LINGO2: variants seen among roughly 807,000 people sequenced by gnomAD.
The protein encoded by LINGO2 is leucine-rich repeat and immunoglobulin-like domain-containing nogo receptor-interacting protein 2.
Under a neutral mutation model 30.6 loss-of-function variants are expected in LINGO2, and 14 were observed. The ratio of observed to expected loss-of-function variants is 0.46; its 90% CI spans 0.30 to 0.72. The LOEUF (loss-of-function observed/expected upper bound fraction) is 0.72. Among genes scored for constraint, LINGO2 ranks in the 30% least tolerant of loss-of-function variants. The probability of loss-of-function intolerance (pLI) is 0.07; values close to 1 mark genes in which losing one functional copy is unlikely to be tolerated. For missense variants in LINGO2, 729 were observed against 751.7 expected (o/e 0.97, Z 0.35); for synonymous variants, 317 against 288.5 (o/e 1.10, Z -1.00).
the LINGO2 span, among the ~76,000 whole-genome samples, chr9:28,966,665 C>T: frequency 2.0e-5 from 3 of 152,022 alleles, no homozygotes; most frequent in Admixed American, 6.6e-5. Flanking sequence ...ATCTAACTAT[C>T]CTGACATGGA....
At chr9:29,189,473 C>T in the LINGO2 span, among the ~76,000 whole-genome samples, 8 of 149,926 alleles carry the variant, frequency 5.3e-5, no homozygotes, top group African/African-American at 1.7e-4. Flanking sequence ...CGGGCAGAGG[C>T]GCTCCTCACA....
the LINGO2 span, among the ~76,000 whole-genome samples, chr9:28,874,168 T>C: frequency 0.14 from 20,729 of 151,932 alleles, 2,020 homozygotes; most frequent in African/African-American, 0.27. Flanking sequence ...TAGCTTTTTA[T>C]TTCTTTCTGA....
the LINGO2 span, among the ~76,000 whole-genome samples, chr9:29,026,404 C>T: frequency 6.6e-6 from 1 of 151,970 alleles, no homozygotes; most frequent in Admixed American, 6.6e-5. Flanking sequence ...ATAAATGATC[C>T]TTTGGTAAAT....
chr9:28,207,639 T>C (rs12682967), intron 4 of LINGO2, among the ~76,000 whole-genome samples: 20,366 of 151,972 alleles, frequency 0.13, 1,478 homozygotes, highest in East Asian at 0.22. Context: ...CTCACCCTGA[T>C]ACATAACAAG....
chr9:28,821,788 T>C, the LINGO2 span, among the ~76,000 whole-genome samples: 1 of 152,178 alleles, frequency 6.6e-6, no homozygotes, highest in Admixed American at 6.5e-5. Flanking sequence ...TCAGTGCTTC[T>C]TCTGGTTCCA....
At chr9:28,676,939 C>T in the LINGO2 span, among the ~76,000 whole-genome samples, 1 of 152,102 alleles carries the variant, frequency 6.6e-6, no homozygotes, top group East Asian at 1.9e-4. Flanking sequence ...TTTATAAACT[C>T]TATCTCTTTA....
At chr9:28,642,857 AGATTTTGTTTCTTGACGT>A (rs1345330367) in intron 1 of LINGO2, among the ~76,000 whole-genome samples, 2 of 152,158 alleles carry the variant, frequency 1.3e-5, no homozygotes, top group Admixed American at 1.3e-4. Flanking sequence ...AATTCAAGGC[AGATTTTGTTTCTTGACGT>A]GTTTTCCCTA....
At chr9:28,595,792 T>C (rs1332550810) in intron 1 of LINGO2, among the ~76,000 whole-genome samples, 3 of 152,138 alleles carry the variant, frequency 2.0e-5, no homozygotes, top group Non-Finnish European at 4.4e-5. Flanking sequence ...CCTAGAGTTG[T>C]ATTGTCACAT....
intron 1 of LINGO2, among the ~76,000 whole-genome samples, chr9:28,592,877 T>C (rs1445464679): frequency 2.0e-5 from 3 of 152,036 alleles, no homozygotes; most frequent in Non-Finnish European, 4.4e-5. Flanking sequence ...TCTGTAGCCC[T>C]CTTTCATTGT....
chr9:29,020,341 A>AT, the LINGO2 span, among the ~76,000 whole-genome samples: 1 of 152,168 alleles, frequency 6.6e-6, no homozygotes, highest in African/African-American at 2.4e-5. Context: ...TAGGGCAGTT[A>AT]TTTTTTTTAT....
chr9:29,096,670 C>T, the LINGO2 span, among the ~76,000 whole-genome samples: 1 of 140,186 alleles, frequency 7.1e-6, no homozygotes, highest in African/African-American at 2.7e-5. Context: ...TAGATCCTGC[C>T]AGAAAAAGGC....
the LINGO2 span, among the ~76,000 whole-genome samples, chr9:29,142,199 C>A: frequency 1.3e-5 from 2 of 150,066 alleles, no homozygotes; most frequent in South Asian, 2.1e-4. Flanking sequence ...GAAATCATAC[C>A]AAGTTTCTTT....
At chr9:28,705,695 G>C in the LINGO2 span, among the ~76,000 whole-genome samples, 1 of 152,024 alleles carries the variant, frequency 6.6e-6, no homozygotes, top group African/African-American at 2.4e-5. Context: ...AAAGTGTGAG[G>C]GCCCCAGTAT....
At chr9:28,041,174 G>C (rs774860222) in intron 4 of LINGO2, among the ~76,000 whole-genome samples, 6 of 152,178 alleles carry the variant, frequency 3.9e-5, no homozygotes, top group Admixed American at 1.3e-4. Flanking sequence ...TCTGAATCTA[G>C]CATCTATTCT....
At chr9:28,028,709 G>A (rs1324058163) in intron 4 of LINGO2, among the ~76,000 whole-genome samples, 4 of 151,906 alleles carry the variant, frequency 2.6e-5, no homozygotes, top group Admixed American at 1.3e-4. Flanking sequence ...CAATATAAAT[G>A]CCATGCAAAT....
At chr9:28,651,314 G>A (rs1828093735) in intron 1 of LINGO2, among the ~76,000 whole-genome samples, 1 of 152,132 alleles carries the variant, frequency 6.6e-6, no homozygotes, top group African/African-American at 2.4e-5. Context: ...TACTGTTATA[G>A]CACTTTTTGA....
At chr9:28,245,684 C>T (rs1821971558) in intron 4 of LINGO2, among the ~76,000 whole-genome samples, 2 of 152,142 alleles carry the variant, frequency 1.3e-5, no homozygotes, top group African/African-American at 2.4e-5. Flanking sequence ...CAATGAACTC[C>T]CATTCACAAT....
At chr9:28,590,888 G>A (rs1418558931) in intron 1 of LINGO2, among the ~76,000 whole-genome samples, 1 of 152,094 alleles carries the variant, frequency 6.6e-6, no homozygotes, top group African/African-American at 2.4e-5. Flanking sequence ...ATTCACAATA[G>A]CAAAGACTTG....
chr9:29,017,282 T>G, the LINGO2 span, among the ~76,000 whole-genome samples: 1 of 151,960 alleles, frequency 6.6e-6, no homozygotes, highest in African/African-American at 2.4e-5. Context: ...CAATGAAGAT[T>G]GAAATAAGAA....
Sources: allele counts gnomAD v4.1 joint callset (sites outside exome capture counted in the v4.1 genomes callset), GRCh38; gene constraint gnomAD v4.1.1; transcripts MANE v1.5; gene names NCBI Gene and HGNC (gene_info 2026-07-23, HGNC 2026-07-21).